The following DCLK1 variants were observed in gnomAD, a reference collection of about 807,000 sequenced individuals.
DCLK1 encodes serine/threonine-protein kinase DCLK1.
A neutral mutation model predicts 86.2 loss-of-function variants in DCLK1; 16 were observed. The ratio of observed to expected loss-of-function variants is 0.19; its 90% CI spans 0.13 to 0.28. The LOEUF (loss-of-function observed/expected upper bound fraction) is 0.28. Ranked by LOEUF, DCLK1 falls within the 10% of genes least tolerant of loss-of-function variation. DCLK1 has a pLI of 1.00. For synonymous variants in DCLK1, 369 were observed against 370.5 expected, an observed-to-expected ratio of 1.00 and a Z score of 0.05; for missense variants, 590 against 940.2, an observed-to-expected ratio of 0.63 and a Z score of 4.87.
chr13:35,834,926 G>A (rs1252293855), intron 8 of DCLK1, among the ~76,000 whole-genome samples: 1 of 152,136 alleles, frequency 6.6e-6, no homozygotes, highest in Non-Finnish European at 1.5e-5. Flanking sequence ...ACCTGAGCTG[G>A]GGAAGCAGCT....
intron 4 of DCLK1, among the ~76,000 whole-genome samples, chr13:35,943,350 T>C (rs969482271): frequency 3.3e-5 from 5 of 152,174 alleles, no homozygotes; most frequent in Non-Finnish European, 7.4e-5. Flanking sequence ...TTTGGACTTC[T>C]TGCCTTCAGA....
At chr13:35,793,228 T>A (rs2086740423) in intron 16 of DCLK1, 138 bp downstream of exon 16, 6 of 548,614 alleles carry the variant, frequency 1.1e-5, no homozygotes, top group Non-Finnish European at 1.9e-5. Context: ...CCATACCTCC[T>A]CTAGTGCATT....
At chr13:36,071,278 T>C (rs73180281) in intron 3 of DCLK1, among the ~76,000 whole-genome samples, 25,291 of 152,026 alleles carry the variant, frequency 0.17, 2,338 homozygotes, top group Non-Finnish European at 0.21. Flanking sequence ...ATACATGTAA[T>C]AGAAGAGATG....
chr13:35,796,121 C>T (rs1225506991), intron 15 of DCLK1, among the ~76,000 whole-genome samples: 1 of 152,060 alleles, frequency 6.6e-6, no homozygotes, highest in Non-Finnish European at 1.5e-5. Flanking sequence ...GGCAGAGTGT[C>T]GGGTTCTGCC....
intron 3 of DCLK1, among the ~76,000 whole-genome samples, chr13:36,060,438 G>A (rs990556312): frequency 1.1e-4 from 16 of 152,010 alleles, no homozygotes; most frequent in African/African-American, 3.6e-4. Flanking sequence ...TGATCAGAAC[G>A]ATTAATGGAG....
chr13:35,946,574 C>T (rs968253173), intron 4 of DCLK1, among the ~76,000 whole-genome samples: 1 of 152,158 alleles, frequency 6.6e-6, no homozygotes, highest in East Asian at 1.9e-4. Flanking sequence ...AATTCATTAT[C>T]ATTTCAAAAA....
chr13:35,847,543 T>C (rs1870269370), intron 6 of DCLK1: 1 of 983,258 alleles, frequency 1.0e-6, no homozygotes, highest in African/African-American at 1.8e-5. Context: ...ATATGTGGAA[T>C]TTTCAGGAAT....
intron 1 of DCLK1, 81 bp from the exon 2 acceptor site, chr13:36,126,237 TTTATG>T: frequency 1.9e-6 from 2 of 1,029,850 alleles, no homozygotes; most frequent in Middle Eastern, 3.5e-4. Context: ...TTTTGTTTTT[TTTATG>T]TTAGGGACAG....
chr13:35,835,895 C>A, intron 8 of DCLK1, 138 bp downstream of exon 8: 1 of 622,502 alleles, frequency 1.6e-6, no homozygotes, highest in Non-Finnish European at 2.7e-6. Flanking sequence ...CTTTCTTTTG[C>A]AAAAAATTCT....
At position 35,808,294 on chromosome 13, in the gene DCLK1, A is replaced by C. The variant is rs1193243458; in HGVS notation, c.1793T>G (p.Phe598Cys). Residue 598 changes from phenylalanine to cysteine, a missense_variant, in exon 14 of 17, where the codon TTT becomes TGT. Transcript: ENST00000360631. Reference sequence around the variant, plus strand: ...CACCTGCCCCATCAAAATCTGATCAAAAAGCACCTCCTGGTCATCACCACT... The same window carrying C: ...CACCTGCCCCATCAAAATCTGATCACAAAGCACCTCCTGGTCATCACCACT... ...RGSGDDQEVL[F>C]DQILMGQVDF... The C allele has an allele frequency of 6.2e-7, 1 of 1,614,102 alleles. No homozygotes were observed. Among genetic ancestry groups the C allele is most frequent in the Non-Finnish European group, 8.5e-7 (1 of 1,179,966 alleles).
chr13:36,059,827 A>G (rs1268073221), intron 3 of DCLK1, among the ~76,000 whole-genome samples: 2 of 151,606 alleles, frequency 1.3e-5, no homozygotes, highest in African/African-American at 2.4e-5. Context: ...TTCTATTAGT[A>G]TATCATGTTT....
rs9601912 is a variant in DCLK1 at position 36,016,246 on chromosome 13, G to T, written c.724-68789C>A. On this transcript the variant is annotated intron_variant, in intron 3 of 16. Transcript: ENST00000360631. ...TGCTACATGCTTACTCTACAGAATA[G>T]GTTTGCAAATTTAACCTACAGTACA... 2.6e-3 allele frequency among the ~76,000 whole-genome samples: 396 copies of T among 152,236 alleles called. 1 individual carries two copies. The highest frequency in any genetic ancestry group is 8.9e-3 in the African/African-American group (371 of 41,526).
At position 35,878,456 on chromosome 13, in the gene DCLK1, G is replaced by A. The variant is rs17053059; in HGVS notation, c.824-7116C>T. Among the ~76,000 whole-genome samples, 877 of 152,096 alleles carry A rather than the reference G, an allele frequency of 5.8e-3. 8 individuals are homozygous for A. Among genetic ancestry groups the A allele is most frequent in the African/African-American group, 0.018 (765 of 41,476 alleles). On this transcript the variant is annotated intron_variant, in intron 4 of 16. Transcript: ENST00000360631. ...CTTCCCCAAGCTCCACACGCAGCAC[G>A]TCTGGAATAAAAGCAATCAAGATCA...
At chr13:36,096,239 A>C (rs1166772295) in intron 3 of DCLK1, among the ~76,000 whole-genome samples, 3 of 152,188 alleles carry the variant, frequency 2.0e-5, no homozygotes, top group Non-Finnish European at 4.4e-5. Flanking sequence ...AGGCCTTTGA[A>C]TCTCAGCCAG....
chr13:35,950,286 G>A (rs1051308232), intron 3 of DCLK1, among the ~76,000 whole-genome samples: 3 of 152,276 alleles, frequency 2.0e-5, no homozygotes, highest in South Asian at 2.1e-4. Flanking sequence ...AATTATCCAC[G>A]CGCTCATGCA....
At chr13:35,792,489 T>C (rs1391100120) in intron 16 of DCLK1, among the ~76,000 whole-genome samples, 1 of 152,182 alleles carries the variant, frequency 6.6e-6, no homozygotes, top group Non-Finnish European at 1.5e-5. Flanking sequence ...ATAGCATAAA[T>C]ACTTTTGAAA....
intron 3 of DCLK1, among the ~76,000 whole-genome samples, chr13:36,011,854 A>G (rs1029427313): frequency 6.7e-6 from 1 of 149,698 alleles, no homozygotes; most frequent in Non-Finnish European, 1.5e-5. Context: ...ATTAATGTGT[A>G]GGAGTCTAAG....
intron 3 of DCLK1, among the ~76,000 whole-genome samples, chr13:35,982,432 G>GA (rs1491310883): frequency 0.17 from 1,206 of 7,150 alleles, 150 homozygotes; most frequent in Non-Finnish European, 0.24. Flanking sequence ...GAGAGAGAGA[G>GA]GGGGAGGGAG....
At chr13:35,825,357 T>C (rs1196104168) in intron 10 of DCLK1, among the ~76,000 whole-genome samples, 3 of 152,102 alleles carry the variant, frequency 2.0e-5, no homozygotes, top group African/African-American at 4.8e-5. Context: ...TGCAGCACAA[T>C]TGAGGGTCCC....
Sources: allele counts gnomAD v4.1 joint callset (sites outside exome capture counted in the v4.1 genomes callset), GRCh38; gene constraint gnomAD v4.1.1; transcripts MANE v1.5; gene names NCBI Gene and HGNC (gene_info 2026-07-23, HGNC 2026-07-21).